Variants in SORCS1 observed in about 807,000 individuals in gnomAD.
SORCS1 encodes VPS10 domain-containing receptor SorCS1.
A neutral mutation model predicts 146.1 loss-of-function variants in SORCS1; 60 were observed. The ratio of observed to expected loss-of-function variants is 0.41; its 90% CI spans 0.33 to 0.51. The LOEUF is 0.51. Among genes scored for constraint, SORCS1 ranks in the 20% least tolerant of loss-of-function variants. The pLI is 0.21. For missense variants in SORCS1, 1,352 were observed against 1,487.6 expected (o/e 0.91, Z 1.50); for synonymous variants, 637 against 584.0 (o/e 1.09, Z -1.31).
chr10:106,930,529 G>C (rs1211847508), intron 2 of SORCS1, among the ~76,000 whole-genome samples: 1 of 152,108 alleles, frequency 6.6e-6, no homozygotes, highest in Non-Finnish European at 1.5e-5. Flanking sequence ...ATGTTCATGT[G>C]TGTATTTATG....
intron 2 of SORCS1, among the ~76,000 whole-genome samples, chr10:106,835,082 C>T (rs1344291454): frequency 1.3e-5 from 2 of 152,114 alleles, no homozygotes; most frequent in Non-Finnish European, 2.9e-5. Flanking sequence ...TGAAATAAGT[C>T]GCTCTGTGGA....
intron 3 of SORCS1, among the ~76,000 whole-genome samples, chr10:106,797,528 T>C (rs1176428004): frequency 6.6e-6 from 1 of 152,054 alleles, no homozygotes; most frequent in Admixed American, 6.6e-5. Flanking sequence ...TGCTTTTTTT[T>C]TTAGCAGTGC....
At chr10:106,697,118 G>A (rs963499995) in intron 9 of SORCS1, among the ~76,000 whole-genome samples, 4 of 152,158 alleles carry the variant, frequency 2.6e-5, no homozygotes, top group South Asian at 4.1e-4. Flanking sequence ...CATACTTCAA[G>A]TTAAAATGTT....
chr10:106,904,082 G>A lies in SORCS1; in HGVS notation c.626+52431C>T, dbSNP rs186181574. ...AATTGGCAACGCCTAAGTTTATGAA[G>A]TTGCTACTGAAATCATAGATATAAT... On this transcript the variant is annotated intron_variant, in intron 2 of 25. Transcript: ENST00000263054. 1.2e-4 allele frequency among the ~76,000 whole-genome samples: 19 copies of A among 152,290 alleles called. No individual in the cohort carries two copies. In the East Asian group the frequency reaches 3.7e-3, roughly 29 times the overall value.
intron 1 of SORCS1, among the ~76,000 whole-genome samples, chr10:107,012,023 C>A (rs941451091): frequency 6.6e-6 from 1 of 152,204 alleles, no homozygotes; most frequent in Non-Finnish European, 1.5e-5. Flanking sequence ...TTTTTAACAT[C>A]AGAAGCAGTT....
intron 18 of SORCS1, among the ~76,000 whole-genome samples, chr10:106,650,903 C>T (rs551050725): frequency 2.6e-5 from 4 of 152,214 alleles, no homozygotes; most frequent in African/African-American, 9.6e-5. Context: ...CTCTGTCCCT[C>T]TTGCTCTAAA....
chr10:107,035,275 A>C (rs1019182640), intron 1 of SORCS1, among the ~76,000 whole-genome samples: 9 of 134,426 alleles, frequency 6.7e-5, no homozygotes, highest in Non-Finnish European at 1.1e-4. Context: ...AAAAAAAAAA[A>C]CAACAAAAAA....
chr10:107,143,202 G>A (rs1331473003), intron 1 of SORCS1, among the ~76,000 whole-genome samples: 2 of 152,170 alleles, frequency 1.3e-5, no homozygotes, highest in Non-Finnish European at 2.9e-5. Context: ...TTTGCAACTG[G>A]TCTCCCTTTT....
At chr10:107,128,370 TC>T (rs1393912318) in intron 1 of SORCS1, among the ~76,000 whole-genome samples, 1 of 152,126 alleles carries the variant, frequency 6.6e-6, no homozygotes, top group Non-Finnish European at 1.5e-5. Flanking sequence ...GTTGCAAATC[TC>T]AAGAGTGACC....
chr10:106,963,099 C>G (rs984320418), intron 1 of SORCS1, among the ~76,000 whole-genome samples: 1 of 121,556 alleles, frequency 8.2e-6, no homozygotes, highest in African/African-American at 3.0e-5. Context: ...GAGCAGTGTT[C>G]AATGGCCAGA....
At chr10:107,107,131 G>A (rs976180905) in intron 1 of SORCS1, among the ~76,000 whole-genome samples, 1 of 152,220 alleles carries the variant, frequency 6.6e-6, no homozygotes, top group Non-Finnish European at 1.5e-5. Flanking sequence ...AGGTGACTTT[G>A]AAACTGGGCA....
chr10:107,149,435 G>C (rs1002466553), intron 1 of SORCS1, among the ~76,000 whole-genome samples: 2 of 151,990 alleles, frequency 1.3e-5, no homozygotes, highest in Admixed American at 1.3e-4. Flanking sequence ...CAATATACTT[G>C]TATCTAATAC....
At chr10:106,896,040 C>G (rs72827221) in intron 2 of SORCS1, among the ~76,000 whole-genome samples, 2,816 of 151,912 alleles carry the variant, frequency 0.019, 42 homozygotes, top group Middle Eastern at 0.044. Context: ...TGGAACTTGG[C>G]GACATTATGC....
At chr10:107,064,111 C>A (rs991938191) in intron 1 of SORCS1, among the ~76,000 whole-genome samples, 2 of 152,154 alleles carry the variant, frequency 1.3e-5, no homozygotes, top group African/African-American at 4.8e-5. Context: ...AGACAGCAAT[C>A]TGTGGTTTTC....
Position 106,579,397 on chromosome 10 carries a change from C to T in SORCS1, c.3343G>A (p.Ala1115Thr). The T allele has an allele frequency of 6.2e-7, 1 of 1,613,920 alleles. No individual in the cohort carries two copies. Among genetic ancestry groups the T allele is most frequent in the Non-Finnish European group, 8.5e-7 (1 of 1,179,984 alleles). ...MLLSVVFVGL[A>T]VFVIYKFKRR... is the part of the protein sequence containing the mutation. The stretch of plus-strand genomic sequence containing the variant: ...TTAAACTTGTAGATGACGAACACTG[C>T]CAGCCCCACAAACACCACTGAGAGC... The change falls in exon 25 of 26, where the codon GCA becomes ACA. Residue 1115 changes from alanine (A) to threonine (T), a missense_variant. Around this residue, in one of 3 missense-constraint regions of SORCS1, gnomAD observed 214 missense variants for 204.8 expected, o/e 1.05. Transcript: ENST00000263054.
At chr10:106,858,626 A>AAAAG (rs1949884079) in intron 2 of SORCS1, among the ~76,000 whole-genome samples, 1 of 148,378 alleles carries the variant, frequency 6.7e-6, no homozygotes. Context: ...AAAAAAAAAA[A>AAAAG]GGAAAGAAAA....
chr10:106,784,242 A>G (rs1216067394), intron 3 of SORCS1, among the ~76,000 whole-genome samples: 1 of 152,068 alleles, frequency 6.6e-6, no homozygotes, highest in African/African-American at 2.4e-5. Flanking sequence ...AAAAATACAA[A>G]AAGTTAGCTG....
intron 5 of SORCS1, among the ~76,000 whole-genome samples, chr10:106,751,495 CTG>C (rs1359725692): frequency 6.6e-6 from 1 of 152,176 alleles, no homozygotes; most frequent in East Asian, 1.9e-4. Flanking sequence ...CAGGCTCGCA[CTG>C]TGAGAGCAGT....
At chr10:107,102,890 G>A (rs1965029166) in intron 1 of SORCS1, among the ~76,000 whole-genome samples, 1 of 152,132 alleles carries the variant, frequency 6.6e-6, no homozygotes, top group South Asian at 2.1e-4. Flanking sequence ...TTAGCATTAT[G>A]CTTACCCTAC....
Sources: allele counts gnomAD v4.1 joint callset (sites outside exome capture counted in the v4.1 genomes callset), GRCh38; gene constraint gnomAD v4.1.1; regional missense constraint gnomAD v4.1.1; transcripts MANE v1.5; gene names NCBI Gene and HGNC (gene_info 2026-07-23, HGNC 2026-07-21).